Variants in GNB4 observed in about 807,000 individuals in gnomAD.
GNB4 encodes G protein subunit beta 4, also known as guanine nucleotide-binding protein subunit beta-4.
GNB4 carries 28 observed loss-of-function variants against 45.2 expected under a neutral mutation model. The ratio of observed to expected loss-of-function variants is 0.62; its 90% CI spans 0.46 to 0.85. The LOEUF is 0.85. Among genes scored for constraint, GNB4 ranks in the 40% least tolerant of loss-of-function variants. The pLI, the probability that GNB4 is intolerant of heterozygous loss-of-function variation, is 0.00. For synonymous variants in GNB4, 132 were observed against 143.7 expected, an observed-to-expected ratio of 0.92 and a Z score of 0.58; for missense variants, 321 against 425.4, an observed-to-expected ratio of 0.75 and a Z score of 2.16.
chr3:179,464,883 T>C, the GNB4 span: 3 of 1,419,872 alleles, frequency 2.1e-6, no homozygotes, highest in South Asian at 2.3e-5. Flanking sequence ...CCATGCGGTG[T>C]GTGGGAAATA....
chr3:179,405,461 G>T, intron 8 of GNB4, 55 bp from the exon 9 acceptor site: 2 of 1,235,210 alleles, frequency 1.6e-6, no homozygotes, highest in Non-Finnish European at 2.3e-6. Flanking sequence ...AATCATAGGA[G>T]GCAATGTAAT....
chr3:179,454,847 G>C (rs1376879188), upstream of GNB4, among the ~76,000 whole-genome samples: 2 of 151,886 alleles, frequency 1.3e-5, no homozygotes, highest in Non-Finnish European at 2.9e-5. Flanking sequence ...AACAAAATAA[G>C]TTATAAAATA....
intron 1 of GNB4, among the ~76,000 whole-genome samples, chr3:179,432,911 GA>G (rs1454917933): frequency 1.3e-5 from 2 of 152,154 alleles, no homozygotes. Context: ...GAAAAATATG[GA>G]AAGTGGAGGG....
intron 1 of GNB4, among the ~76,000 whole-genome samples, chr3:179,449,042 T>C (rs1336458132): frequency 2.0e-5 from 3 of 152,218 alleles, no homozygotes; most frequent in Admixed American, 6.5e-5. Flanking sequence ...AACTGACAAA[T>C]TGAAGGTGCA....
At chr3:179,520,723 A>T in the GNB4 span, among the ~76,000 whole-genome samples, 1 of 152,010 alleles carries the variant, frequency 6.6e-6, no homozygotes, top group East Asian at 1.9e-4. Flanking sequence ...GGCCTCCCAC[A>T]TTATTCCTGA....
At position 179,400,419 on chromosome 3, in the gene GNB4, G is replaced by GA. The variant is rs1224663909; in HGVS notation, c.*793dup. The GA allele has an allele frequency of 6.6e-6, 1 of 152,178 alleles. No individual in the cohort carries two copies. The allele number at this position is 152,178 out of a possible 1,614,324, so 9.4% of individuals were successfully genotyped here. A position where few individuals can be genotyped will look rare whatever the true frequency, so the allele number is the denominator to read the frequency against. ...TTAGTTCCAAATATGAAATGAAAAG[G>GA]AAAGTCCAGCTATTTAGGGGGGTAC... On this transcript the variant is annotated 3_prime_UTR_variant, in exon 10 of 10. Transcript: ENST00000232564.
intron 1 of GNB4, among the ~76,000 whole-genome samples, chr3:179,428,335 TA>T (rs1389096614): frequency 6.6e-6 from 1 of 152,184 alleles, no homozygotes; most frequent in Non-Finnish European, 1.5e-5. Context: ...CATTCCCTGA[TA>T]AAGTTTGATT....
intron 1 of GNB4, among the ~76,000 whole-genome samples, chr3:179,443,839 C>T (rs1347008551): frequency 6.6e-6 from 1 of 152,296 alleles, no homozygotes; most frequent in Non-Finnish European, 1.5e-5. Flanking sequence ...TATCCCATCC[C>T]CAATTCTCTA....
intron 1 of GNB4, among the ~76,000 whole-genome samples, chr3:179,439,559 A>G (rs1715545055): frequency 6.6e-6 from 1 of 152,196 alleles, no homozygotes; most frequent in South Asian, 2.1e-4. Context: ...AAGGTCACCA[A>G]GGCAATGTGA....
chr3:179,457,373 G>T, the GNB4 span, among the ~76,000 whole-genome samples: 2 of 152,290 alleles, frequency 1.3e-5, no homozygotes, highest in East Asian at 3.9e-4. Context: ...CATTCCACTG[G>T]TTTTCCCCTT....
At chr3:179,482,014 C>T in the GNB4 span, among the ~76,000 whole-genome samples, 10 of 152,046 alleles carry the variant, frequency 6.6e-5, no homozygotes, top group African/African-American at 1.4e-4. Flanking sequence ...ACAATCCTCC[C>T]GGCTCAGCCT....
the GNB4 span, among the ~76,000 whole-genome samples, chr3:179,461,761 A>C: frequency 6.6e-6 from 1 of 152,176 alleles, no homozygotes; most frequent in Non-Finnish European, 1.5e-5. Flanking sequence ...TGTATATTTC[A>C]ATGACATTTA....
intron 8 of GNB4, among the ~76,000 whole-genome samples, chr3:179,412,054 C>T (rs562312334): frequency 6.6e-6 from 1 of 152,074 alleles, no homozygotes; most frequent in African/African-American, 2.4e-5. Context: ...TTCACTTTAC[C>T]CTAATTTACA....
the GNB4 span, among the ~76,000 whole-genome samples, chr3:179,501,054 T>C: frequency 1.3e-5 from 2 of 152,324 alleles, no homozygotes; most frequent in Non-Finnish European, 2.9e-5. Flanking sequence ...ACTCTCTCAG[T>C]TGAGTAAGCT....
At chr3:179,508,933 T>TATATATATATATATATATATATAA in the GNB4 span, among the ~76,000 whole-genome samples, 1 of 16,094 alleles carries the variant, frequency 6.2e-5, no homozygotes, top group African/African-American at 2.0e-4. Flanking sequence ...TCAGCATGTG[T>TATATATATATATATATATATATAA]ATATATATAT....
intron 1 of GNB4, among the ~76,000 whole-genome samples, chr3:179,428,509 A>G (rs1217618328): frequency 2.6e-5 from 4 of 152,182 alleles, no homozygotes. Context: ...CTGGCCCCAC[A>G]GTCCTAGAAA....
At chr3:179,419,056 T>C (rs575764779) in intron 4 of GNB4, among the ~76,000 whole-genome samples, 1 of 152,250 alleles carries the variant, frequency 6.6e-6, no homozygotes, top group African/African-American at 2.4e-5. Context: ...AACTTGCACA[T>C]AGGTGTTCAA....
the GNB4 span, among the ~76,000 whole-genome samples, chr3:179,486,000 G>A: frequency 3.8e-3 from 577 of 152,064 alleles, 3 homozygotes; most frequent in African/African-American, 0.013. Flanking sequence ...CGAGGCAGGT[G>A]AATCACGAGG....
chr3:179,413,718 G>C lies in GNB4; in HGVS notation c.494C>G (p.Thr165Ser). Residue 165 changes from threonine (T) to serine (S), a missense_variant, in exon 7 of 10, where the codon ACT becomes AGT. By Grantham distance (58) the Thr-to-Ser change is moderately conservative. Transcript: ENST00000232564. Reference protein sequence around the residue: ...SQIVTSSGDTTCALWDIETAQ... With the variant: ...SQIVTSSGDTSCALWDIETAQ... The stretch of plus-strand genomic sequence containing the variant: ...TGTGCTTCTGGAATAAACTTACCAA[G>C]TTGTATCTCCTGAACTTGTAACAAT... The C allele has an allele frequency of 6.2e-7, 1 of 1,612,672 alleles. No homozygotes were observed. Among genetic ancestry groups the C allele is most frequent in the Non-Finnish European group, 8.5e-7 (1 of 1,179,276 alleles).
Sources: allele counts gnomAD v4.1 joint callset (sites outside exome capture counted in the v4.1 genomes callset), GRCh38; gene constraint gnomAD v4.1.1; transcripts MANE v1.5; gene names NCBI Gene and HGNC (gene_info 2026-07-23, HGNC 2026-07-21).